Variants in CADM1 observed in about 807,000 individuals in gnomAD.
CADM1 encodes the protein cell adhesion molecule 1.
CADM1 carries 15 observed loss-of-function variants against 53.1 expected under a neutral mutation model. That is an observed-to-expected ratio of 0.28 (90% CI 0.19 to 0.44). CADM1 has a LOEUF of 0.44. CADM1 is among the 20% of genes least tolerant of loss of function. CADM1 has a pLI of 1.00. For synonymous variants in CADM1, 281 were observed against 243.0 expected (o/e 1.16, Z -1.45); for missense variants, 434 against 611.3 (o/e 0.71, Z 3.06).
At chr11:115,266,505 A>C (rs1170662309) in intron 1 of CADM1, among the ~76,000 whole-genome samples, 1 of 152,220 alleles carries the variant, frequency 6.6e-6, no homozygotes, top group East Asian at 1.9e-4. Context: ...GAGGAGGTTC[A>C]GTACCTCTCC....
At position 115,174,291 on chromosome 11, in the gene CADM1, G is replaced by C. The variant is rs1432693572; in HGVS notation, c.*2183C>G. 7.2e-6 allele frequency: 7 copies of C among 976,576 alleles called. No homozygotes were observed. Among genetic ancestry groups the C allele is most frequent in the South Asian group, 4.7e-5 (1 of 21,102 alleles). 60.5% of individuals were successfully genotyped at this position (976,576 alleles called of 1,614,324 possible). ...ATTTTTTTTTTTTGTTTTTGTTTTT[G>C]TTTTTCTTTTTTTCTAAAAAGAACA... is the stretch of plus-strand genomic sequence containing the variant. On this transcript the variant is annotated 3_prime_UTR_variant, in exon 12 of 12. Transcript: ENST00000331581.
At chr11:115,406,620 T>C (rs777067002) in intron 1 of CADM1, among the ~76,000 whole-genome samples, 78 of 148,722 alleles carry the variant, frequency 5.2e-4, no homozygotes, top group East Asian at 2.9e-3. Context: ...AGAATAAATA[T>C]TAGGTTATAT....
chr11:115,457,702 C>T (rs1030536014), intron 1 of CADM1, among the ~76,000 whole-genome samples: 31 of 152,084 alleles, frequency 2.0e-4, no homozygotes, highest in African/African-American at 7.0e-4. Context: ...CCCCCTATAC[C>T]TCCTTTCTGA....
intron 1 of CADM1, among the ~76,000 whole-genome samples, chr11:115,433,969 C>A (rs1333645075): frequency 2.0e-5 from 3 of 152,180 alleles, no homozygotes; most frequent in Non-Finnish European, 4.4e-5. Flanking sequence ...AATTTATTAA[C>A]CTGCCAGCAC....
At chr11:115,201,854 AATTT>A (rs903210142) in intron 8 of CADM1, among the ~76,000 whole-genome samples, 16 of 152,282 alleles carry the variant, frequency 1.1e-4, no homozygotes, top group Non-Finnish European at 1.9e-4. Flanking sequence ...AAAGAGAGCA[AATTT>A]ATTATACATT....
intron 1 of CADM1, among the ~76,000 whole-genome samples, chr11:115,425,108 A>G (rs1182108237): frequency 1.3e-5 from 2 of 152,186 alleles, no homozygotes; most frequent in African/African-American, 2.4e-5. Flanking sequence ...GTACTAAGCT[A>G]TTATTATAGA....
chr11:115,252,202 T>C (rs896291479), intron 1 of CADM1, among the ~76,000 whole-genome samples: 5 of 152,236 alleles, frequency 3.3e-5, no homozygotes, highest in African/African-American at 1.2e-4. Flanking sequence ...AATGTTTCTA[T>C]ATTTTAAAAT....
chr11:115,374,081 T>C (rs894232641), intron 1 of CADM1, among the ~76,000 whole-genome samples: 23 of 152,322 alleles, frequency 1.5e-4, no homozygotes, highest in African/African-American at 4.6e-4. Flanking sequence ...TAGTTTCTAA[T>C]TTTCCACTAA....
intron 3 of CADM1, among the ~76,000 whole-genome samples, chr11:115,233,920 G>A (rs1297010923): frequency 6.6e-6 from 1 of 152,220 alleles, no homozygotes; most frequent in Non-Finnish European, 1.5e-5. Context: ...AATCCCTAGG[G>A]AATGGACCAG....
At chr11:115,297,330 G>A (rs964592979) in intron 1 of CADM1, among the ~76,000 whole-genome samples, 29 of 152,190 alleles carry the variant, frequency 1.9e-4, no homozygotes, top group African/African-American at 6.3e-4. Flanking sequence ...GGACAGACAG[G>A]TAGACAGATG....
At chr11:115,352,961 A>G (rs926062894) in intron 1 of CADM1, among the ~76,000 whole-genome samples, 3 of 152,134 alleles carry the variant, frequency 2.0e-5, no homozygotes, top group Non-Finnish European at 4.4e-5. Context: ...TGTCTTTGCT[A>G]TTGTGAATAG....
chr11:115,194,590 C>T (rs1940059009), intron 9 of CADM1, among the ~76,000 whole-genome samples: 1 of 152,176 alleles, frequency 6.6e-6, no homozygotes. Context: ...AGATCATCAG[C>T]CTCTACTGTA....
intron 6 of CADM1, 99 bp from the exon 7 acceptor site, chr11:115,214,879 T>C (rs1941112126): frequency 1.7e-6 from 2 of 1,144,424 alleles, no homozygotes; most frequent in African/African-American, 1.5e-5. Flanking sequence ...GAGGACCTAC[T>C]GGAGATATTT....
In CADM1 at chr11:115,176,154, C is replaced by T. The variant is rs536612468; in HGVS notation, c.*320G>A. The T allele has an allele frequency of 4.3e-5, 50 of 1,171,218 alleles. No homozygotes were observed. The highest frequency in any genetic ancestry group is 3.9e-4 in the Middle Eastern group (1 of 2,564). The allele number at this position is 1,171,218 out of a possible 1,614,324, so 72.6% of individuals were successfully genotyped here. ...TGCACAAAGGGGGAAAAGAAAGGAA[C>T]GCAACAAACAAACAAAAAACAAGGC... is the stretch of plus-strand genomic sequence containing the variant. On this transcript the variant is annotated 3_prime_UTR_variant, in exon 12 of 12. Transcript: ENST00000331581.
At chr11:115,245,133 A>G (rs1555048564) in intron 1 of CADM1, among the ~76,000 whole-genome samples, 1 of 152,230 alleles carries the variant, frequency 6.6e-6, no homozygotes, top group Non-Finnish European at 1.5e-5. Context: ...GACTCTTCAC[A>G]GGGAAGACAG....
At chr11:115,393,260 G>A (rs1481356628) in intron 1 of CADM1, among the ~76,000 whole-genome samples, 1 of 151,644 alleles carries the variant, frequency 6.6e-6, no homozygotes, top group East Asian at 1.9e-4. Context: ...AATATGCATG[G>A]AAGGTGAAAA....
intron 1 of CADM1, among the ~76,000 whole-genome samples, chr11:115,293,221 A>T (rs1262027547): frequency 6.6e-6 from 1 of 152,212 alleles, no homozygotes; most frequent in Non-Finnish European, 1.5e-5. Flanking sequence ...TCCCGGGGTC[A>T]GGAGATCAAG....
At chr11:115,470,300 A>C (rs1305936065) in intron 1 of CADM1, among the ~76,000 whole-genome samples, 1 of 152,232 alleles carries the variant, frequency 6.6e-6, no homozygotes, top group Non-Finnish European at 1.5e-5. Context: ...TAAAGAACCA[A>C]GTAGCAGAGT....
chr11:115,442,023 T>C (rs554590411), intron 1 of CADM1, among the ~76,000 whole-genome samples: 68 of 151,968 alleles, frequency 4.5e-4, no homozygotes, highest in African/African-American at 1.4e-3. Flanking sequence ...CAGAATTCAG[T>C]TCAGCATGGA....
Sources: allele counts gnomAD v4.1 joint callset (sites outside exome capture counted in the v4.1 genomes callset), GRCh38; gene constraint gnomAD v4.1.1; transcripts MANE v1.5; gene names NCBI Gene and HGNC (gene_info 2026-07-23, HGNC 2026-07-21).